The following CCSER1 variants were observed in gnomAD, a reference collection of about 807,000 sequenced individuals.
CCSER1 encodes coiled-coil serine rich protein 1.
A neutral mutation model predicts 82.0 loss-of-function variants in CCSER1; 41 were observed. That is an observed-to-expected ratio of 0.50 (90% CI 0.39 to 0.65). CCSER1 has a LOEUF of 0.65. CCSER1 is among the 30% of genes least tolerant of loss of function. The probability of loss-of-function intolerance (pLI) is 0.00; values close to 1 mark genes in which losing one functional copy is unlikely to be tolerated. For synonymous variants in CCSER1, 414 were observed against 383.9 expected, an observed-to-expected ratio of 1.08 and a Z score of -0.92; for missense variants, 1,119 against 1,064.2, an observed-to-expected ratio of 1.05 and a Z score of -0.72.
chr4:90,470,425 G>A (rs1419797499), intron 5 of CCSER1, among the ~76,000 whole-genome samples: 1 of 152,136 alleles, frequency 6.6e-6, no homozygotes, highest in Non-Finnish European at 1.5e-5. Context: ...CAAGCACAGT[G>A]ATTAACTCAA....
At chr4:90,417,855 A>C (rs1041654396) in intron 4 of CCSER1, among the ~76,000 whole-genome samples, 3 of 152,180 alleles carry the variant, frequency 2.0e-5, no homozygotes, top group Non-Finnish European at 4.4e-5. Context: ...TACGAATGGT[A>C]ATGTACAGAG....
chr4:91,227,184 CAT>C (rs1450379246), intron 10 of CCSER1, among the ~76,000 whole-genome samples: 1 of 151,732 alleles, frequency 6.6e-6, no homozygotes, highest in East Asian at 1.9e-4. Flanking sequence ...TTATCTAAAA[CAT>C]ATAATGCATT....
intron 10 of CCSER1, among the ~76,000 whole-genome samples, chr4:91,440,595 G>A (rs566039189): frequency 2.0e-5 from 3 of 151,988 alleles, no homozygotes; most frequent in Non-Finnish European, 4.4e-5. Context: ...CAAAAGCTAG[G>A]AGAAGGCAAG....
intron 10 of CCSER1, among the ~76,000 whole-genome samples, chr4:91,469,020 T>A (rs1757115999): frequency 6.6e-6 from 1 of 152,154 alleles, no homozygotes; most frequent in African/African-American, 2.4e-5. Context: ...AATAGTTTGT[T>A]AGTTTATTAG....
chr4:91,279,715 C>T (rs10003471), intron 10 of CCSER1, among the ~76,000 whole-genome samples: 12,788 of 151,994 alleles, frequency 0.084, 660 homozygotes, highest in South Asian at 0.18. Flanking sequence ...TTAAATAACA[C>T]TACTTTGAAT....
chr4:91,278,551 A>G (rs1257555503), intron 10 of CCSER1, among the ~76,000 whole-genome samples: 2 of 151,830 alleles, frequency 1.3e-5, no homozygotes, highest in African/African-American at 2.4e-5. Context: ...TTCTGTCTGT[A>G]TGTGTCTTTG....
chr4:90,827,995 A>G (rs1008990360), intron 8 of CCSER1, among the ~76,000 whole-genome samples: 15 of 152,106 alleles, frequency 9.9e-5, no homozygotes, highest in African/African-American at 3.1e-4. Flanking sequence ...TCAGAAGAAT[A>G]CATGGTGGTT....
chr4:91,426,901 A>G (rs1323239989), intron 10 of CCSER1, among the ~76,000 whole-genome samples: 1 of 152,140 alleles, frequency 6.6e-6, no homozygotes, highest in Admixed American at 6.5e-5. Context: ...CACTCATATA[A>G]GTGATTCAGA....
intron 10 of CCSER1, among the ~76,000 whole-genome samples, chr4:91,243,317 C>G (rs1739512205): frequency 6.6e-6 from 1 of 152,198 alleles, no homozygotes; most frequent in Middle Eastern, 3.2e-3. Context: ...CCTAGATTAA[C>G]TTGAAAGGCA....
intron 6 of CCSER1, among the ~76,000 whole-genome samples, chr4:90,697,620 C>A (rs1202569965): frequency 6.6e-6 from 1 of 152,124 alleles, no homozygotes; most frequent in Non-Finnish European, 1.5e-5. Flanking sequence ...TCCGCATAAA[C>A]CTTTAGTGAG....
chr4:90,957,587 T>A (rs60891113), intron 9 of CCSER1, among the ~76,000 whole-genome samples: 5 of 123,246 alleles, frequency 4.1e-5, no homozygotes, highest in Non-Finnish European at 4.8e-5. Context: ...TATAATATAT[T>A]ATTATTTATA....
At position 91,246,827 on chromosome 4, in the gene CCSER1, T is replaced by C. The variant is rs202097245; in HGVS notation, c.2217+160833T>C. On this transcript the variant is annotated intron_variant, in intron 10 of 10. Transcript: ENST00000509176. ...GGCATCTCATACACACATACACACA[T>C]ACACACACACACACACACACACACA... 2.1e-3 allele frequency among the ~76,000 whole-genome samples: 300 copies of C among 144,144 alleles called. 2 individuals carry two copies. The highest frequency in any genetic ancestry group is 9.6e-3 in the East Asian group (46 of 4,796). 94.6% of individuals were successfully genotyped at this position (144,144 alleles called of 152,430 possible).
chr4:90,397,329 T>C (rs1430008073), intron 3 of CCSER1, among the ~76,000 whole-genome samples: 2 of 152,226 alleles, frequency 1.3e-5, no homozygotes, highest in Non-Finnish European at 2.9e-5. Context: ...TGCTGTCTTA[T>C]GTGAAATGTT....
chr4:91,178,132 T>C (rs906671633), intron 10 of CCSER1, among the ~76,000 whole-genome samples: 2 of 152,218 alleles, frequency 1.3e-5, no homozygotes, highest in African/African-American at 2.4e-5. Context: ...TGAGTGAGTT[T>C]CTTAATCTTG....
intron 9 of CCSER1, among the ~76,000 whole-genome samples, chr4:91,058,405 C>T (rs1743643459): frequency 6.6e-6 from 1 of 152,072 alleles, no homozygotes; most frequent in Non-Finnish European, 1.5e-5. Flanking sequence ...TAAAATTTAC[C>T]TTCTCAATAG....
chr4:91,586,347 A>G (rs1270357868), intron 10 of CCSER1, among the ~76,000 whole-genome samples: 1 of 151,630 alleles, frequency 6.6e-6, no homozygotes. Context: ...GGTATGTTTA[A>G]AGTTATGTGA....
At chr4:90,966,829 T>C (rs1027796380) in intron 9 of CCSER1, among the ~76,000 whole-genome samples, 1 of 152,108 alleles carries the variant, frequency 6.6e-6, no homozygotes, top group Non-Finnish European at 1.5e-5. Context: ...ATAATCCAGA[T>C]TGACCTACAG....
At chr4:90,632,947 T>A (rs1724709835) in intron 6 of CCSER1, among the ~76,000 whole-genome samples, 1 of 152,124 alleles carries the variant, frequency 6.6e-6, no homozygotes, top group Non-Finnish European at 1.5e-5. Context: ...TGTGATCAAG[T>A]CAGTCCCTGT....
At chr4:90,675,411 A>G (rs1040271210) in intron 6 of CCSER1, among the ~76,000 whole-genome samples, 20 of 152,148 alleles carry the variant, frequency 1.3e-4, no homozygotes, top group African/African-American at 4.3e-4. Context: ...TGTATTGTAC[A>G]GCTAGTTATA....
Sources: gnomAD v4.1 joint callset for allele counts (sites outside exome capture counted in the v4.1 genomes callset) on GRCh38, gnomAD v4.1.1 for gene constraint, MANE v1.5 for transcripts, NCBI Gene and HGNC (gene_info 2026-07-23, HGNC 2026-07-21) for gene names.